Variants in ATRNL1 observed in about 807,000 individuals in gnomAD.
The protein encoded by ATRNL1 is attractin like 1, also known as attractin-like protein 1.
A neutral mutation model predicts 182.7 loss-of-function variants in ATRNL1; 95 were observed. That is an observed-to-expected ratio of 0.52 (90% confidence interval 0.44 to 0.62). ATRNL1 has a LOEUF of 0.62. Ranked by LOEUF, ATRNL1 falls within the 20% of genes least tolerant of loss-of-function variation. ATRNL1 has a pLI of 0.00. For synonymous variants in ATRNL1, 576 were observed against 568.3 expected, an observed-to-expected ratio of 1.01 and a Z score of -0.19; for missense variants, 1,471 against 1,679.5, an observed-to-expected ratio of 0.88 and a Z score of 2.17.
chr10:115,439,816 T>A (rs1846581146), intron 21 of ATRNL1, among the ~76,000 whole-genome samples: 1 of 151,824 alleles, frequency 6.6e-6, no homozygotes, highest in Non-Finnish European at 1.5e-5. Flanking sequence ...GAAGGGACCA[T>A]GAGCCAACAA....
chr10:115,551,840 C>A (rs1317227821), intron 26 of ATRNL1, among the ~76,000 whole-genome samples: 2 of 151,260 alleles, frequency 1.3e-5, no homozygotes, highest in Non-Finnish European at 3.0e-5. Flanking sequence ...TTCAGTTAGT[C>A]AAAGACAATT....
intron 26 of ATRNL1, among the ~76,000 whole-genome samples, chr10:115,666,803 A>T (rs11197397): frequency 0.15 from 22,974 of 152,054 alleles, 2,247 homozygotes; most frequent in East Asian, 0.26. Context: ...ATTGGACAGC[A>T]CTCATCTAGA....
intron 9 of ATRNL1, among the ~76,000 whole-genome samples, chr10:115,235,585 C>T (rs558360435): frequency 5.3e-5 from 8 of 151,936 alleles, no homozygotes; most frequent in Non-Finnish European, 1.2e-4. Flanking sequence ...TTTGTTATGA[C>T]TGAATAATAT....
intron 25 of ATRNL1, among the ~76,000 whole-genome samples, chr10:115,526,350 G>T (rs782173572): frequency 1.3e-5 from 2 of 152,126 alleles, no homozygotes; most frequent in Non-Finnish European, 2.9e-5. Context: ...CTATGAAAGA[G>T]ACCCACTGGC....
chr10:115,105,085 G>T (rs965583416), intron 1 of ATRNL1, among the ~76,000 whole-genome samples: 3 of 151,902 alleles, frequency 2.0e-5, no homozygotes, highest in Admixed American at 2.0e-4. Flanking sequence ...CTATTTTTGT[G>T]AAAAATGTCA....
intron 26 of ATRNL1, among the ~76,000 whole-genome samples, chr10:115,554,409 G>A (rs1853190499): frequency 6.6e-6 from 1 of 151,524 alleles, no homozygotes; most frequent in African/African-American, 2.4e-5. Context: ...ATGCAGTTAA[G>A]ATTTGAAAAA....
intron 24 of ATRNL1, among the ~76,000 whole-genome samples, chr10:115,514,358 G>A (rs1554983380): frequency 6.6e-6 from 1 of 151,712 alleles, no homozygotes; most frequent in East Asian, 1.9e-4. Flanking sequence ...GGTAAAGATA[G>A]ATAATGTAAT....
chr10:115,437,293 T>G (rs1554964948), intron 21 of ATRNL1, among the ~76,000 whole-genome samples: 1 of 152,056 alleles, frequency 6.6e-6, no homozygotes, highest in East Asian at 1.9e-4. Flanking sequence ...ACATGTAAGA[T>G]ACGGTCTTTA....
At chr10:115,772,927 T>C (rs1335820468) in intron 27 of ATRNL1, among the ~76,000 whole-genome samples, 1 of 152,140 alleles carries the variant, frequency 6.6e-6, no homozygotes, top group Non-Finnish European at 1.5e-5. Context: ...AGGGAAATTG[T>C]CTTGGAAATT....
chr10:115,741,238 G>A lies in ATRNL1; in HGVS notation c.3903+13883G>A, dbSNP rs554866118. 1.4e-4 allele frequency among the ~76,000 whole-genome samples: 21 copies of A among 152,246 alleles called. No individual in the cohort carries two copies. In the South Asian group the frequency reaches 4.3e-3, roughly 32 times the overall value. ...AATAAGCATGAAGAAGAGGAAAAAG[G>A]AATACAATACTCAATGTATTGCTGA... On this transcript the variant is annotated intron_variant, in intron 27 of 28. Transcript: ENST00000355044.
intron 25 of ATRNL1, among the ~76,000 whole-genome samples, chr10:115,533,335 G>T (rs1310824929): frequency 6.6e-6 from 1 of 152,124 alleles, no homozygotes; most frequent in Non-Finnish European, 1.5e-5. Context: ...TCTTGGGAGA[G>T]TGTATGTATC....
chr10:115,623,100 G>A (rs1389059788), intron 26 of ATRNL1, among the ~76,000 whole-genome samples: 1 of 151,932 alleles, frequency 6.6e-6, no homozygotes, highest in Non-Finnish European at 1.5e-5. Context: ...TAAATGATAG[G>A]TCAAGCATAT....
intron 28 of ATRNL1, among the ~76,000 whole-genome samples, chr10:115,941,042 C>T (rs1953716895): frequency 1.3e-5 from 2 of 152,120 alleles, no homozygotes; most frequent in African/African-American, 4.8e-5. Context: ...TTGTTTGGCC[C>T]ATCAAATGGG....
chr10:115,452,414 A>G (rs1847323680), intron 21 of ATRNL1, among the ~76,000 whole-genome samples: 2 of 152,008 alleles, frequency 1.3e-5, no homozygotes, highest in Admixed American at 6.6e-5. Context: ...TAGGTCTTTA[A>G]TTAGCTGAAA....
At chr10:115,278,887 G>T in intron 13 of ATRNL1, among the ~76,000 whole-genome samples, 1 of 151,934 alleles carries the variant, frequency 6.6e-6, no homozygotes, top group East Asian at 1.9e-4. Flanking sequence ...ATATATAACA[G>T]ATGGCTGCAT....
intron 10 of ATRNL1, among the ~76,000 whole-genome samples, chr10:115,243,165 A>C (rs556372704): frequency 1.1e-3 from 166 of 152,250 alleles, no homozygotes; most frequent in Non-Finnish European, 2.1e-3. Context: ...GAACTTTTGC[A>C]AAAGGTTCTT....
intron 21 of ATRNL1, among the ~76,000 whole-genome samples, chr10:115,428,049 GTA>G (rs1280942806): frequency 4.6e-5 from 7 of 151,670 alleles, no homozygotes; most frequent in African/African-American, 1.2e-4. Context: ...TGGAATTATT[GTA>G]TTTTTTATTT....
chr10:115,463,635 C>A (rs1201866167), intron 22 of ATRNL1, among the ~76,000 whole-genome samples: 2 of 152,054 alleles, frequency 1.3e-5, no homozygotes, highest in East Asian at 3.9e-4. Flanking sequence ...AACAGAAACT[C>A]TGTGATTATT....
At chr10:115,635,986 C>A (rs1858843914) in intron 26 of ATRNL1, among the ~76,000 whole-genome samples, 1 of 152,114 alleles carries the variant, frequency 6.6e-6, no homozygotes, top group African/African-American at 2.4e-5. Flanking sequence ...AGCGCTTCCC[C>A]ATGTGAGGAG....
Sources: gnomAD v4.1 joint callset for allele counts (sites outside exome capture counted in the v4.1 genomes callset) on GRCh38, gnomAD v4.1.1 for gene constraint, MANE v1.5 for transcripts, NCBI Gene and HGNC (gene_info 2026-07-23, HGNC 2026-07-21) for gene names.